Variants in POU3F3 observed in about 807,000 individuals in gnomAD.
The protein encoded by POU3F3 is POU domain, class 3, transcription factor 3.
A neutral mutation model predicts 8.6 loss-of-function variants in POU3F3; 1 was observed. That is an observed-to-expected ratio of 0.12 (90% CI 0.04 to 0.55). The LOEUF is 0.55. Among genes scored for constraint, POU3F3 ranks in the 20% least tolerant of loss-of-function variants. POU3F3 has a pLI of 0.91. For missense variants in POU3F3, 577 were observed against 690.7 expected (o/e 0.84, Z 1.84); for synonymous variants, 418 against 327.4 (o/e 1.28, Z -2.99).
chr2:104,854,561 C>G lies in POU3F3; in HGVS notation c.-950C>G, dbSNP rs1160862922. On this transcript the variant is annotated 5_prime_UTR_variant, in exon 1 of 1. Transcript: ENST00000361360. This position sits in a 1 kb window ranked among gnomAD's most constrained non-coding sequence, Gnocchi z 4.5. Reference sequence around the variant, plus strand: ...TTATATTTGTTTCCTAATTTCTGCCCAAAAGGAAAGATGTCGCATCAGACT... The same window carrying G: ...TTATATTTGTTTCCTAATTTCTGCCGAAAAGGAAAGATGTCGCATCAGACT... Among the ~76,000 whole-genome samples the G allele has an allele frequency of 6.6e-6, 1 of 152,022 alleles. No homozygotes were observed. Among genetic ancestry groups the G allele is most frequent in the Non-Finnish European group, 1.5e-5 (1 of 68,010 alleles).
chr2:104,868,426 G>A, the POU3F3 span: 1 of 449,352 alleles, frequency 2.2e-6, no homozygotes, highest in Non-Finnish European at 4.5e-6. Flanking sequence ...GTAAAATATA[G>A]TCAGTGACTG....
At chr2:104,860,616 C>T (rs1220383125), downstream of POU3F3, among the ~76,000 whole-genome samples, 1 of 152,114 alleles carries the variant, frequency 6.6e-6, no homozygotes, top group Non-Finnish European at 1.5e-5. Context: ...GGCCCACTTA[C>T]AGTTTACAGT....
At chr2:104,868,171 A>C in the POU3F3 span, 149 of 447,978 alleles carry the variant, frequency 3.3e-4, no homozygotes, top group South Asian at 2.2e-3. Context: ...GGGGTTCTGA[A>C]GGCTCCGGCG....
At chr2:104,872,340 A>G in the POU3F3 span, 8 of 456,554 alleles carry the variant, frequency 1.8e-5, no homozygotes, top group Non-Finnish European at 3.1e-5. This position sits in a 1 kb window ranked among gnomAD's most constrained non-coding sequence, Gnocchi z 4.6. Flanking sequence ...CAAAGACCAG[A>G]GCACACACTT....
chr2:104,878,981 G>A, the POU3F3 span, among the ~76,000 whole-genome samples: 3 of 150,472 alleles, frequency 2.0e-5, no homozygotes, highest in Admixed American at 6.6e-5. Context: ...CACACAACAC[G>A]GCACACACAA....
the POU3F3 span, among the ~76,000 whole-genome samples, chr2:104,869,147 G>A: frequency 6.6e-6 from 1 of 152,224 alleles, no homozygotes. Flanking sequence ...TTTTGGCCTG[G>A]GTTATGGCTG....
Position 104,856,233 on chromosome 2 carries a change from C to T in POU3F3, c.723C>T (p.Gly241=). ...NGMLSAPPGP[G]GGGGGAGGGA... ...TGCTGAGCGCGCCACCGGGGCCCGG[C>T]GGCGGCGGCGGCGGCGCGGGCGGTG... Residue 241 remains glycine, a synonymous_variant, in exon 1 of 1, where the codon GGC becomes GGT. Coordinates refer to ENST00000361360, the MANE Select transcript of POU3F3 (RefSeq NM_006236.3). 1 of 1,269,904 alleles carries T rather than the reference C, an allele frequency of 7.9e-7. No homozygotes were observed. The highest frequency in any genetic ancestry group is 9.8e-7 in the Non-Finnish European group (1 of 1,016,948). The allele number at this position is 1,269,904 out of a possible 1,614,324, so 78.7% of individuals were successfully genotyped here.
the POU3F3 span, among the ~76,000 whole-genome samples, chr2:104,899,419 A>G: frequency 1.3e-5 from 2 of 151,060 alleles, no homozygotes; most frequent in Admixed American, 1.3e-4. Context: ...GGCACAATAG[A>G]GAGGATCAGA....
At chr2:104,899,079 A>T in the POU3F3 span, among the ~76,000 whole-genome samples, 2 of 152,250 alleles carry the variant, frequency 1.3e-5, no homozygotes, top group African/African-American at 4.8e-5. Flanking sequence ...CTTTGACCAA[A>T]GGAAGAAATC....
chr2:104,900,882 A>T, the POU3F3 span, among the ~76,000 whole-genome samples: 26 of 152,270 alleles, frequency 1.7e-4, no homozygotes, highest in South Asian at 5.4e-3. Flanking sequence ...ATGGGCTCGG[A>T]TGTTGGCCCT....
rs780965214 is a variant in POU3F3, at chr2:104,856,947, G to A, written c.1437G>A (p.Ser479=). Residue 479 remains serine, a synonymous_variant, in exon 1 of 1, where the codon TCG becomes TCA. Transcript: ENST00000361360. ...AGCAGACGCCCGACGACGTCTACTCGCAGGTGGGCACCGTGAGCGCCGACA... is the reference window on the plus strand; with the variant it reads ...AGCAGACGCCCGACGACGTCTACTCACAGGTGGGCACCGTGAGCGCCGACA... ...IQQQTPDDVY[S]QVGTVSADTP... is the part of the protein sequence containing the mutation. The A allele has an allele frequency of 2.5e-6, 4 of 1,612,938 alleles. No homozygotes were observed. The highest frequency in any genetic ancestry group is 1.7e-5 in the Admixed American group (1 of 60,002).
chr2:104,890,446 A>G, the POU3F3 span, among the ~76,000 whole-genome samples: 2 of 151,738 alleles, frequency 1.3e-5, no homozygotes, highest in Non-Finnish European at 2.9e-5. Context: ...TTTCCTCTCC[A>G]TGGCCACAAT....
At position 104,856,155 on chromosome 2, in the gene POU3F3, G is replaced by T; in HGVS notation, c.645G>T (p.Pro215=). 1.6e-6 allele frequency: 2 copies of T among 1,246,916 alleles called. No homozygotes were observed. The highest frequency in any genetic ancestry group is 2.0e-6 in the Non-Finnish European group (2 of 994,832). The allele number at this position is 1,246,916 out of a possible 1,614,324, so 77.2% of individuals were successfully genotyped here. Residue 215 remains proline, a synonymous_variant, in exon 1 of 1, where the codon CCG becomes CCT. Transcript: ENST00000361360. The part of the protein sequence containing the change: ...HLPSMAGGQQ[P]PPQSLLYSQP... The stretch of plus-strand genomic sequence containing the variant: ...CGTCCATGGCCGGGGGCCAGCAGCC[G>T]CCGCCGCAGAGTCTGCTCTACTCGC...
chr2:104,915,745 G>A, the POU3F3 span, among the ~76,000 whole-genome samples: 57 of 151,792 alleles, frequency 3.8e-4, 1 homozygote, highest in Admixed American at 2.4e-3. Context: ...CTAACATCTC[G>A]GATGCAAATC....
chr2:104,900,162 A>G, the POU3F3 span, among the ~76,000 whole-genome samples: 1 of 152,128 alleles, frequency 6.6e-6, no homozygotes, highest in African/African-American at 2.4e-5. Flanking sequence ...AGACTGGGTG[A>G]CCTCCAATTC....
the POU3F3 span, chr2:104,866,960 G>C: frequency 2.6e-5 from 4 of 152,386 alleles, no homozygotes; most frequent in African/African-American, 9.6e-5. Flanking sequence ...GTTCACAACT[G>C]TGTCATCCTC....
Position 104,857,235 on chromosome 2 carries a change from G to A in POU3F3, c.*222G>A. 2.5e-6 allele frequency: 1 copy of A among 405,648 alleles called. No homozygotes were observed. Among genetic ancestry groups the A allele is most frequent in the Non-Finnish European group, 3.4e-6 (1 of 298,288 alleles). The allele number at this position is 405,648 out of a possible 1,614,324, so 25.1% of individuals were successfully genotyped here. ...CGCCCTTGGAGGAGAAAACGCGGGA[G>A]AAACGGACCAAGGAGGCATTTTTGC... On this transcript the variant is annotated 3_prime_UTR_variant, in exon 1 of 1. Coordinates refer to ENST00000361360, the MANE Select transcript of POU3F3 (RefSeq NM_006236.3).
At chr2:104,894,305 A>C in the POU3F3 span, among the ~76,000 whole-genome samples, 1 of 152,218 alleles carries the variant, frequency 6.6e-6, no homozygotes, top group Non-Finnish European at 1.5e-5. Context: ...ACTTTAATCT[A>C]ATAGTCTGAC....
the POU3F3 span, among the ~76,000 whole-genome samples, chr2:104,923,590 C>A: frequency 1.3e-5 from 2 of 151,958 alleles, no homozygotes; most frequent in Non-Finnish European, 1.5e-5. Flanking sequence ...AATCAATTAA[C>A]ACAAAATAGT....
Sources: allele counts gnomAD v4.1 joint callset (sites outside exome capture counted in the v4.1 genomes callset), GRCh38; gene constraint gnomAD v4.1.1; non-coding constraint Gnocchi (gnomAD v3.1); transcripts MANE v1.5; gene names NCBI Gene and HGNC (gene_info 2026-07-23, HGNC 2026-07-21).